Variants in AUTS2 observed in about 807,000 individuals in gnomAD.
AUTS2 encodes autism susceptibility gene 2 protein.
Under a neutral mutation model 112.4 loss-of-function variants are expected in AUTS2, and 17 were observed. The observed-to-expected ratio is 0.15, with a 90% CI of 0.10 to 0.23. AUTS2 has a LOEUF of 0.23. Among genes scored for constraint, AUTS2 ranks in the 10% least tolerant of loss-of-function variants. AUTS2 has a pLI of 1.00. For missense variants in AUTS2, 1,510 were observed against 1,701.6 expected (o/e 0.89, Z 1.98); for synonymous variants, 751 against 702.7 (o/e 1.07, Z -1.09).
chr7:70,671,178 C>T (rs1007505751), intron 5 of AUTS2, among the ~76,000 whole-genome samples: 2 of 152,114 alleles, frequency 1.3e-5, no homozygotes, highest in East Asian at 1.9e-4. Context: ...AGCGAGACTC[C>T]GTCTCAAAAA....
intron 2 of AUTS2, among the ~76,000 whole-genome samples, chr7:70,116,940 GTGTT>G (rs1419979025): frequency 6.6e-6 from 1 of 152,128 alleles, no homozygotes; most frequent in Non-Finnish European, 1.5e-5. Context: ...TTCTGAAAAT[GTGTT>G]TGGTGATGAT....
At chr7:70,075,810 G>C (rs1802999676) in intron 2 of AUTS2, among the ~76,000 whole-genome samples, 2 of 152,218 alleles carry the variant, frequency 1.3e-5, no homozygotes, top group South Asian at 4.1e-4. Context: ...AATAAAAGAA[G>C]TAGTCATCAC....
At chr7:69,752,078 G>A (rs1367760069) in intron 1 of AUTS2, among the ~76,000 whole-genome samples, 5 of 151,946 alleles carry the variant, frequency 3.3e-5, no homozygotes, top group Non-Finnish European at 5.9e-5. Flanking sequence ...CCCCACACCC[G>A]GCCTTAATGC....
At chr7:70,399,756 T>C (rs529939652) in intron 4 of AUTS2, among the ~76,000 whole-genome samples, 2 of 89,472 alleles carry the variant, frequency 2.2e-5, no homozygotes, top group African/African-American at 5.2e-5. Context: ...GGTAAAAAAA[T>C]AAAATAAAAT....
chr7:70,215,941 T>C (rs1025790541), intron 4 of AUTS2, among the ~76,000 whole-genome samples: 2 of 152,232 alleles, frequency 1.3e-5, no homozygotes, highest in Non-Finnish European at 2.9e-5. Context: ...TTGTTTTGAT[T>C]GTCATCTGCC....
chr7:69,666,483 A>G (rs1330647692), intron 1 of AUTS2, among the ~76,000 whole-genome samples: 1 of 152,178 alleles, frequency 6.6e-6, no homozygotes, highest in Non-Finnish European at 1.5e-5. Flanking sequence ...ACTGACTTCT[A>G]AAATAAAACA....
At chr7:69,802,774 C>G (rs1213422343) in intron 1 of AUTS2, among the ~76,000 whole-genome samples, 2 of 152,144 alleles carry the variant, frequency 1.3e-5, no homozygotes, top group East Asian at 3.8e-4. Context: ...GTTTAATGCT[C>G]CTTAGGACTT....
chr7:70,081,337 GGT>G (rs1396838350), intron 2 of AUTS2, among the ~76,000 whole-genome samples: 7 of 150,352 alleles, frequency 4.7e-5, no homozygotes, highest in Admixed American at 4.7e-4. Context: ...GATTACTTGA[GGT>G]CAGGAGTTTG....
intron 4 of AUTS2, among the ~76,000 whole-genome samples, chr7:70,218,416 A>AT (rs1651155115): frequency 6.6e-6 from 1 of 152,206 alleles, no homozygotes; most frequent in African/African-American, 2.4e-5. Flanking sequence ...AACAAGGATA[A>AT]TATGAGTATC....
chr7:70,130,690 A>G (rs1227659887), intron 3 of AUTS2, among the ~76,000 whole-genome samples: 2 of 152,138 alleles, frequency 1.3e-5, no homozygotes, highest in South Asian at 2.1e-4. Context: ...AATATGAAAA[A>G]AAAAAATCCA....
At chr7:69,998,591 G>A (rs1222649982) in intron 2 of AUTS2, among the ~76,000 whole-genome samples, 1 of 152,142 alleles carries the variant, frequency 6.6e-6, no homozygotes, top group African/African-American at 2.4e-5. Flanking sequence ...TGTTTGTTTA[G>A]TAAATATTTA....
At chr7:70,782,038 G>T in intron 15 of AUTS2, 1 of 386,130 alleles carries the variant, frequency 2.6e-6, no homozygotes, top group South Asian at 3.9e-5. Context: ...TAACTCACAA[G>T]CATGTCAGTT....
At position 70,763,255 on chromosome 7, in the gene AUTS2, A is replaced by T. The variant is rs745441058; in HGVS notation, c.1128A>T (p.Pro376=). 3 of 1,613,274 alleles carry T rather than the reference A, an allele frequency of 1.9e-6. No individual in the cohort carries two copies. Among genetic ancestry groups the T allele is most frequent in the Non-Finnish European group, 1.7e-6 (2 of 1,179,744 alleles). ...CCCAGCTGCTCCATCAGAACCTCCC[A>T]CCTGTGCAGGCCCACCCCTCTGCTC... ...SPTQLLHQNL[P]PVQAHPSAQS... Residue 376 remains proline, a synonymous_variant, in exon 7 of 19, where the codon CCA becomes CCT. Transcript: ENST00000342771.
intron 5 of AUTS2, among the ~76,000 whole-genome samples, chr7:70,565,823 G>A (rs568400134): frequency 6.6e-6 from 1 of 152,182 alleles, no homozygotes. Flanking sequence ...ACTATAGACA[G>A]AGCTTTGTGC....
chr7:69,704,454 AT>A (rs932837701), intron 1 of AUTS2, among the ~76,000 whole-genome samples: 4 of 151,544 alleles, frequency 2.6e-5, no homozygotes, highest in Non-Finnish European at 5.9e-5. Flanking sequence ...ATTTTTTTGT[AT>A]TTTTAGTAGA....
At chr7:70,107,871 G>A (rs1282518116) in intron 2 of AUTS2, among the ~76,000 whole-genome samples, 1 of 151,248 alleles carries the variant, frequency 6.6e-6, no homozygotes, top group African/African-American at 2.4e-5. Context: ...AATTCGCTGG[G>A]CATGGTGGGC....
chr7:69,818,901 G>C (rs1030631311), intron 1 of AUTS2, among the ~76,000 whole-genome samples: 1 of 152,146 alleles, frequency 6.6e-6, no homozygotes, highest in African/African-American at 2.4e-5. Context: ...TCTGTTTGGG[G>C]GTTACCACTT....
intron 5 of AUTS2, among the ~76,000 whole-genome samples, chr7:70,523,523 G>A (rs1035411834): frequency 2.0e-5 from 3 of 152,138 alleles, no homozygotes; most frequent in African/African-American, 7.2e-5. Flanking sequence ...TGAACAGAAG[G>A]CCATTCTCCC....
At chr7:69,877,914 G>T (rs1320648646) in intron 1 of AUTS2, among the ~76,000 whole-genome samples, 2 of 152,102 alleles carry the variant, frequency 1.3e-5, no homozygotes, top group Non-Finnish European at 2.9e-5. Flanking sequence ...CAGAGTCATG[G>T]CAGGCCGTGG....
Sources: allele counts gnomAD v4.1 joint callset (sites outside exome capture counted in the v4.1 genomes callset), GRCh38; gene constraint gnomAD v4.1.1; transcripts MANE v1.5; gene names NCBI Gene and HGNC (gene_info 2026-07-23, HGNC 2026-07-21).